Variants in CAMTA1 observed in about 807,000 individuals in gnomAD.
The protein encoded by CAMTA1 is calmodulin-binding transcription activator 1.
CAMTA1 carries 27 observed loss-of-function variants against 170.9 expected under a neutral mutation model. That is an observed-to-expected ratio of 0.16 (90% CI 0.12 to 0.22). CAMTA1 has a LOEUF of 0.22. Ranked by LOEUF, CAMTA1 falls within the 10% of genes least tolerant of loss-of-function variation. The probability of loss-of-function intolerance (pLI) is 1.00; values close to 1 mark genes in which losing one functional copy is unlikely to be tolerated. For synonymous variants in CAMTA1, 833 were observed against 891.5 expected (o/e 0.93, Z 1.17); for missense variants, 1,619 against 2,217.2 (o/e 0.73, Z 5.42).
chr1:6,885,366 G>A (rs879786758), intron 3 of CAMTA1, among the ~76,000 whole-genome samples: 6 of 152,146 alleles, frequency 3.9e-5, no homozygotes, highest in Admixed American at 6.5e-5. Flanking sequence ...GTGTGTGTAG[G>A]GGATTAAGAA....
chr1:7,470,579 C>T (rs2093312106), intron 6 of CAMTA1, among the ~76,000 whole-genome samples: 1 of 152,138 alleles, frequency 6.6e-6, no homozygotes, highest in Non-Finnish European at 1.5e-5. Flanking sequence ...CCTCTGAATG[C>T]AGGAGGCACT....
chr1:6,858,468 TGGTGTG>T (rs1255902808), intron 3 of CAMTA1, among the ~76,000 whole-genome samples: 3 of 58,444 alleles, frequency 5.1e-5, no homozygotes, highest in African/African-American at 1.9e-4. Flanking sequence ...GTGGTGGTGG[TGGTGTG>T]TGTGTGTGTG....
chr1:6,845,617 A>G (rs948416866), intron 3 of CAMTA1, among the ~76,000 whole-genome samples: 9 of 152,252 alleles, frequency 5.9e-5, no homozygotes, highest in Non-Finnish European at 1.0e-4. Context: ...TAAAGAAACA[A>G]TGTTACCATG....
At chr1:6,863,548 C>T (rs1665533414) in intron 3 of CAMTA1, among the ~76,000 whole-genome samples, 1 of 152,224 alleles carries the variant, frequency 6.6e-6, no homozygotes, top group Admixed American at 6.5e-5. Flanking sequence ...CATGATTTTC[C>T]TCCCACGTCC....
intron 3 of CAMTA1, among the ~76,000 whole-genome samples, chr1:6,945,678 C>G (rs1261608401): frequency 1.3e-5 from 2 of 152,118 alleles, no homozygotes; most frequent in Non-Finnish European, 2.9e-5. Flanking sequence ...CTCCTGTCTC[C>G]CCGGGCCTAG....
chr1:6,916,628 A>C (rs925421140), intron 3 of CAMTA1, among the ~76,000 whole-genome samples: 1 of 152,078 alleles, frequency 6.6e-6, no homozygotes, highest in African/African-American at 2.4e-5. Context: ...TTTCTCCACA[A>C]GCTTGTTCTG....
chr1:7,514,276 C>A (rs1400044263), intron 6 of CAMTA1, among the ~76,000 whole-genome samples: 1 of 152,230 alleles, frequency 6.6e-6, no homozygotes, highest in Non-Finnish European at 1.5e-5. Flanking sequence ...CTAGCCAGAC[C>A]CCACCCCAAG....
At chr1:7,187,819 A>G (rs1304869504) in intron 4 of CAMTA1, among the ~76,000 whole-genome samples, 1 of 152,132 alleles carries the variant, frequency 6.6e-6, no homozygotes, top group Non-Finnish European at 1.5e-5. Flanking sequence ...ATTTGCATGC[A>G]GTTATTTTGA....
chr1:7,567,876 C>T (rs1429023426), intron 6 of CAMTA1, among the ~76,000 whole-genome samples: 5 of 152,212 alleles, frequency 3.3e-5, no homozygotes, highest in Non-Finnish European at 7.3e-5. Context: ...GGCTCTGCCA[C>T]TGTTAACCAT....
chr1:7,389,518 C>T (rs1208705378), intron 5 of CAMTA1: 1 of 152,386 alleles, frequency 6.6e-6, no homozygotes, highest in African/African-American at 2.4e-5. Context: ...CATTGCAGCA[C>T]CCCTGCCAGC....
At chr1:7,649,178 A>T (rs2095830972) in intron 7 of CAMTA1, among the ~76,000 whole-genome samples, 1 of 152,248 alleles carries the variant, frequency 6.6e-6, no homozygotes, top group Non-Finnish European at 1.5e-5. Flanking sequence ...TGGTGCCGGC[A>T]CATGGTGGAG....
rs148154466 is a variant in CAMTA1, at chr1:7,487,245, A to G, written c.510+19344A>G. Among the ~76,000 whole-genome samples, 612 of 152,270 alleles carry G rather than the reference A, an allele frequency of 4.0e-3. 2 individuals are homozygous for G. Among genetic ancestry groups the G allele is most frequent in the African/African-American group, 0.014 (590 of 41,534 alleles). ...CAAGCTCCTCAGTTAACCATGGAGC[A>G]AAGAGTTGTGGCCACCAAGAGGGAA... On this transcript the variant is annotated intron_variant, in intron 6 of 22. Transcript: ENST00000303635.
chr1:7,513,960 C>CAA (rs980510008), intron 6 of CAMTA1, among the ~76,000 whole-genome samples: 2 of 151,710 alleles, frequency 1.3e-5, no homozygotes, highest in Non-Finnish European at 2.9e-5. Context: ...CACACACACA[C>CAA]ACATACACAC....
intron 7 of CAMTA1, among the ~76,000 whole-genome samples, chr1:7,655,067 C>G (rs2095877829): frequency 7.2e-6 from 1 of 139,810 alleles, no homozygotes. Flanking sequence ...CAAACACACC[C>G]ACCTATACAC....
rs1414387814 is a variant in CAMTA1 at position 7,063,669 on chromosome 1, G to A, written c.235-27635G>A. Among the ~76,000 whole-genome samples, 11 of 152,166 alleles carry A rather than the reference G, an allele frequency of 7.2e-5. No individual in the cohort carries two copies. Among genetic ancestry groups the A allele is most frequent in the Admixed American group, 2.0e-4 (3 of 15,282 alleles). On this transcript the variant is annotated intron_variant, in intron 3 of 22. Transcript: ENST00000303635. This position sits in a 1 kb window ranked among gnomAD's most constrained non-coding sequence, Gnocchi z 4.3. Reference sequence around the variant, plus strand: ...GACCTACCATTTGCATTTGGACTTAGATTATTAGACATTTTCTTCTTATAA... The same window carrying A: ...GACCTACCATTTGCATTTGGACTTAAATTATTAGACATTTTCTTCTTATAA...
chr1:7,273,355 T>G (rs1670127323), intron 5 of CAMTA1, among the ~76,000 whole-genome samples: 1 of 152,156 alleles, frequency 6.6e-6, no homozygotes, highest in Non-Finnish European at 1.5e-5. Context: ...ATAAACAAAA[T>G]GTAGTCTATC....
chr1:7,051,747 G>T (rs561691840), intron 3 of CAMTA1, among the ~76,000 whole-genome samples: 1 of 129,426 alleles, frequency 7.7e-6, no homozygotes, highest in African/African-American at 2.5e-5. Flanking sequence ...TGTGACAGAG[G>T]CTGCTCCCTC....
chr1:7,749,531 TG>T (rs941167898), intron 19 of CAMTA1, among the ~76,000 whole-genome samples: 2 of 151,898 alleles, frequency 1.3e-5, no homozygotes, highest in African/African-American at 4.8e-5. Context: ...AATATGAGTT[TG>T]GTTTTTTAAA....
chr1:7,364,010 G>A (rs945775049), intron 5 of CAMTA1, among the ~76,000 whole-genome samples: 6 of 152,166 alleles, frequency 3.9e-5, no homozygotes, highest in Non-Finnish European at 1.5e-5. Flanking sequence ...TACAGAGAGG[G>A]ACTGAGGTCA....
Sources: gnomAD v4.1 joint callset for allele counts (sites outside exome capture counted in the v4.1 genomes callset) on GRCh38, gnomAD v4.1.1 for gene constraint, Gnocchi (gnomAD v3.1) non-coding constraint, MANE v1.5 for transcripts, NCBI Gene and HGNC (gene_info 2026-07-23, HGNC 2026-07-21) for gene names.